Variants in SGCD observed in about 807,000 individuals in gnomAD.
SGCD encodes the protein sarcoglycan delta.
A neutral mutation model predicts 36.6 loss-of-function variants in SGCD; 18 were observed. The observed-to-expected ratio is 0.49, with a 90% CI of 0.34 to 0.73. The LOEUF (loss-of-function observed/expected upper bound fraction) is 0.73, where lower values mean the gene tolerates loss of function less well. Ranked by LOEUF, SGCD falls within the 30% of genes least tolerant of loss-of-function variation. The pLI, the probability that SGCD is intolerant of heterozygous loss-of-function variation, is 0.01. For synonymous variants in SGCD, 133 were observed against 130.6 expected (o/e 1.02, Z -0.12); for missense variants, 387 against 346.7 (o/e 1.12, Z -0.92).
At chr5:155,750,246 T>G in the SGCD span, among the ~76,000 whole-genome samples, 1 of 152,318 alleles carries the variant, frequency 6.6e-6, no homozygotes, top group Admixed American at 6.5e-5. Flanking sequence ...TGTACAGATG[T>G]GCTGCAAATA....
intron 4 of SGCD, among the ~76,000 whole-genome samples, chr5:156,542,938 T>C (rs1389931110): frequency 6.6e-6 from 1 of 152,146 alleles, no homozygotes; most frequent in Non-Finnish European, 1.5e-5. Context: ...CTGCAGACTA[T>C]GTAATCTATG....
chr5:156,417,692 G>A (rs1451944043), intron 3 of SGCD, among the ~76,000 whole-genome samples: 1 of 152,010 alleles, frequency 6.6e-6, no homozygotes, highest in African/African-American at 2.4e-5. Flanking sequence ...TCAGATCAGG[G>A]CTCTACCATT....
At chr5:156,182,154 A>T (rs1763625716) in intron 3 of SGCD, among the ~76,000 whole-genome samples, 1 of 152,242 alleles carries the variant, frequency 6.6e-6, no homozygotes, top group South Asian at 2.1e-4. Context: ...TCTAAAATTT[A>T]TATGGAAATG....
chr5:156,303,720 G>A (rs934658800), intron 3 of SGCD, among the ~76,000 whole-genome samples: 9 of 151,554 alleles, frequency 5.9e-5, no homozygotes, highest in Admixed American at 2.0e-4. Context: ...AGCAGCTTCC[G>A]TTATGGCCTA....
chr5:156,021,322 G>A (rs1280469397), intron 1 of SGCD, among the ~76,000 whole-genome samples: 1 of 152,122 alleles, frequency 6.6e-6, no homozygotes, highest in Non-Finnish European at 1.5e-5. Context: ...TCCAGCTGGA[G>A]GAACAAGATA....
Position 155,890,989 on chromosome 5 carries a change from C to T in SGCD, c.-282+20565C>T, listed in dbSNP as rs141477710. On this transcript the variant is annotated intron_variant, in intron 1 of 9. Transcript: ENST00000517913. ...CCCTACCATGTGGGAAAGAAATTCA[C>T]AAAAAAAGACTGGGTTGTCCCTAAA... Among the ~76,000 whole-genome samples, 93 of 151,850 alleles carry T rather than the reference C, an allele frequency of 6.1e-4. 2 individuals carry two copies. The East Asian group carries it at 0.011, about 18-fold the overall frequency.
chr5:156,424,439 T>G (rs1773575552), intron 3 of SGCD, among the ~76,000 whole-genome samples: 1 of 152,032 alleles, frequency 6.6e-6, no homozygotes, highest in South Asian at 2.1e-4. Flanking sequence ...CAGATATGTG[T>G]GAGGATGTAT....
intron 3 of SGCD, among the ~76,000 whole-genome samples, chr5:156,424,515 G>C (rs1773579322): frequency 6.6e-6 from 1 of 151,968 alleles, no homozygotes; most frequent in Non-Finnish European, 1.5e-5. Context: ...CCAAATTTTT[G>C]GTCTTGCCAC....
chr5:155,894,550 G>A (rs76627121), intron 1 of SGCD, among the ~76,000 whole-genome samples: 1,569 of 152,236 alleles, frequency 0.01, 30 homozygotes, highest in African/African-American at 0.036. Flanking sequence ...ACCAGTGAGC[G>A]TGAAGCTTCA....
At chr5:155,933,653 C>G (rs751959137) in intron 1 of SGCD, among the ~76,000 whole-genome samples, 2 of 152,164 alleles carry the variant, frequency 1.3e-5, no homozygotes, top group Non-Finnish European at 2.9e-5. Context: ...ATGTGTACAT[C>G]CTTGGAAAGC....
intron 3 of SGCD, among the ~76,000 whole-genome samples, chr5:156,504,998 T>C (rs933763151): frequency 2.6e-5 from 4 of 152,246 alleles, no homozygotes; most frequent in African/African-American, 9.6e-5. Flanking sequence ...CAACATAGCA[T>C]GCAGACAGAT....
the SGCD span, among the ~76,000 whole-genome samples, chr5:155,794,172 G>T: frequency 1.3e-5 from 2 of 152,128 alleles, no homozygotes; most frequent in African/African-American, 4.8e-5. Flanking sequence ...GTTCAGTCCA[G>T]CCTGAAAGCA....
intron 6 of SGCD, among the ~76,000 whole-genome samples, chr5:156,631,459 G>C (rs1233004293): frequency 1.5e-5 from 2 of 130,208 alleles, no homozygotes; most frequent in Non-Finnish European, 3.2e-5. Flanking sequence ...TTTGACACTT[G>C]CTTTTTTTTT....
chr5:156,275,959 A>G (rs1006150310), intron 3 of SGCD, among the ~76,000 whole-genome samples: 6 of 152,254 alleles, frequency 3.9e-5, no homozygotes, highest in African/African-American at 1.2e-4. Flanking sequence ...GAGACAGTCA[A>G]TCCTTAAAAT....
chr5:155,970,130 G>A (rs1326497548), intron 1 of SGCD, among the ~76,000 whole-genome samples: 2 of 151,848 alleles, frequency 1.3e-5, no homozygotes, highest in African/African-American at 2.4e-5. Flanking sequence ...CAATCTAGAG[G>A]GATTGGGTGT....
At chr5:156,744,409 C>G (rs1488598990) in intron 7 of SGCD, among the ~76,000 whole-genome samples, 2 of 152,150 alleles carry the variant, frequency 1.3e-5, no homozygotes, top group African/African-American at 4.8e-5. Context: ...CTTTTGGCTC[C>G]CACCAATTTT....
intron 3 of SGCD, among the ~76,000 whole-genome samples, chr5:156,186,947 G>A (rs536425349): frequency 6.6e-6 from 1 of 152,260 alleles, no homozygotes; most frequent in African/African-American, 2.4e-5. Flanking sequence ...CTAGGAGAAT[G>A]TACTAAGTTT....
At chr5:155,820,958 G>T in the SGCD span, among the ~76,000 whole-genome samples, 48 of 152,104 alleles carry the variant, frequency 3.2e-4, no homozygotes, top group African/African-American at 1.1e-3. Context: ...CATCCACACT[G>T]ACCCTGTAAG....
At chr5:156,222,979 T>C (rs1207414030) in intron 3 of SGCD, among the ~76,000 whole-genome samples, 1 of 152,132 alleles carries the variant, frequency 6.6e-6, no homozygotes, top group East Asian at 1.9e-4. Flanking sequence ...CCCTGGTACA[T>C]TGACCTCCCC....
Sources: allele counts gnomAD v4.1 joint callset (sites outside exome capture counted in the v4.1 genomes callset), GRCh38; gene constraint gnomAD v4.1.1; transcripts MANE v1.5; gene names NCBI Gene and HGNC (gene_info 2026-07-23, HGNC 2026-07-21).